NAPG: variants seen among roughly 807,000 people sequenced by gnomAD.
The protein encoded by NAPG is gamma-soluble NSF attachment protein.
NAPG carries 25 observed loss-of-function variants against 48.4 expected under a neutral mutation model. That is an observed-to-expected ratio of 0.52 (90% CI 0.38 to 0.72). NAPG has a LOEUF of 0.72. Among genes scored for constraint, NAPG ranks in the 30% least tolerant of loss-of-function variants. The pLI is 0.00. For missense variants in NAPG, 359 were observed against 372.5 expected, an observed-to-expected ratio of 0.96 and a Z score of 0.30; for synonymous variants, 139 against 127.2, an observed-to-expected ratio of 1.09 and a Z score of -0.62.
At chr18:10,528,013 C>T (rs572312930) in intron 1 of NAPG, among the ~76,000 whole-genome samples, 2 of 152,186 alleles carry the variant, frequency 1.3e-5, no homozygotes, top group African/African-American at 2.4e-5. Context: ...TGGTGAAACC[C>T]TGTCTCTACT....
chr18:10,534,534 A>G lies in NAPG; in HGVS notation c.258+38A>G. Reference sequence around the variant, plus strand: ...ATGTCACAATTGTTGTGTAGGTAAAATGAATTAACTACAAGGTGTTAAACA... The same window carrying G: ...ATGTCACAATTGTTGTGTAGGTAAAGTGAATTAACTACAAGGTGTTAAACA... On this transcript the variant is annotated intron_variant, in intron 5 of 11. Transcript: ENST00000322897. The surrounding 1 kb of genome is among the most constrained non-coding windows in gnomAD (Gnocchi z 5.0). 1 of 1,591,678 alleles carries G rather than the reference A, an allele frequency of 6.3e-7. No homozygotes were observed. The highest frequency in any genetic ancestry group is 2.2e-5 in the East Asian group (1 of 44,658).
chr18:10,548,394 G>A lies in NAPG; in HGVS notation c.665+16G>A. ...AGAGCTATAGGTAAGACGTTGTCTG[G>A]GCCCTCTTGACTTGCAGTGGCGACA... On this transcript the variant is annotated intron_variant, in intron 10 of 11. Coordinates refer to ENST00000322897, the MANE Select transcript of NAPG (RefSeq NM_003826.3). The surrounding 1 kb of genome is among the most constrained non-coding windows in gnomAD (Gnocchi z 4.4). 8.7e-6 allele frequency: 14 copies of A among 1,605,738 alleles called. No individual in the cohort carries two copies. The highest frequency in any genetic ancestry group is 1.2e-5 in the Non-Finnish European group (14 of 1,172,718).
chr18:10,527,187 C>CAAAAAAAAAAAA (rs775618160), intron 1 of NAPG, among the ~76,000 whole-genome samples: 1 of 105,534 alleles, frequency 9.5e-6, no homozygotes. Flanking sequence ...GACTCCGTCT[C>CAAAAAAAAAAAA]AAAAAAAAAA....
At chr18:10,529,516 G>A (rs1462872689) in intron 1 of NAPG, among the ~76,000 whole-genome samples, 1 of 152,190 alleles carries the variant, frequency 6.6e-6, no homozygotes, top group Non-Finnish European at 1.5e-5. Flanking sequence ...CTCTTTGGGA[G>A]GCCAAGGTGG....
chr18:10,527,385 A>G (rs148271770), intron 1 of NAPG, among the ~76,000 whole-genome samples: 1 of 152,296 alleles, frequency 6.6e-6, no homozygotes, highest in East Asian at 1.9e-4. Context: ...TCGCAGAGCC[A>G]GTTTTCAAAC....
intron 4 of NAPG, among the ~76,000 whole-genome samples, chr18:10,533,763 A>G (rs1283970795): frequency 6.6e-6 from 1 of 151,948 alleles, no homozygotes; most frequent in Admixed American, 6.6e-5. Context: ...ATTTGCCATA[A>G]TATTTTATTA....
rs1160401349 is a variant in NAPG at position 10,534,695 on chromosome 18, T to G, written c.258+199T>G. Reference sequence around the variant, plus strand: ...TCTTAAGGAATGTTAAAAGTGAAATTTAAGAGAAAATGTATTGGAGTGAAC... The same window carrying G: ...TCTTAAGGAATGTTAAAAGTGAAATGTAAGAGAAAATGTATTGGAGTGAAC... On this transcript the variant is annotated intron_variant, in intron 5 of 11. Transcript: ENST00000322897. This position sits in a 1 kb window ranked among gnomAD's most constrained non-coding sequence, Gnocchi z 5.0. Among the ~76,000 whole-genome samples the G allele has an allele frequency of 6.6e-6, 1 of 152,186 alleles. No homozygotes were observed. The highest frequency in any genetic ancestry group is 1.5e-5 in the Non-Finnish European group (1 of 68,024).
intron 5 of NAPG, among the ~76,000 whole-genome samples, chr18:10,536,346 T>A (rs2143109404): frequency 6.6e-6 from 1 of 152,320 alleles, no homozygotes; most frequent in Middle Eastern, 3.4e-3. Flanking sequence ...TGGGCTAAAA[T>A]TTCTACCAAT....
In NAPG at chr18:10,550,204, CA is replaced by C; in HGVS notation, c.924del (p.Gly309GlufsTer20). 2 of 1,587,404 alleles carry C rather than the reference CA, an allele frequency of 1.3e-6. No homozygotes were observed. The highest frequency in any genetic ancestry group is 1.7e-6 in the Non-Finnish European group (2 of 1,168,938). On this transcript the variant is annotated frameshift_variant, in exon 12 of 12. Transcript: ENST00000322897. LOFTEE classifies it high-confidence loss of function. ...TAADEEEDEY[S>X]GGLC ...GCTGATGAAGAGGAAGATGAATACT[CA>C]GGAGGACTATGCTAGTATTTTGCTT...
chr18:10,543,135 C>CA lies in NAPG; in HGVS notation c.506+2751dup, dbSNP rs199992167. 0.022 allele frequency among the ~76,000 whole-genome samples: 2,286 copies of CA among 106,248 alleles called. 23 individuals carry two copies. Among genetic ancestry groups the CA allele is most frequent in the Non-Finnish European group, 0.03 (1,520 of 50,130 alleles). 69.7% of individuals were successfully genotyped at this position (106,248 alleles called of 152,430 possible). On this transcript the variant is annotated intron_variant, in intron 8 of 11. Coordinates refer to ENST00000322897, the MANE Select transcript of NAPG (RefSeq NM_003826.3). This position sits in a 1 kb window ranked among gnomAD's most constrained non-coding sequence, Gnocchi z 4.4. The stretch of plus-strand genomic sequence containing the variant: ...ACAGGTTGCAGTGAGACTCCCATCT[C>CA]AAAAAAAAAAAAAAAGAAAAGAAAA...
Position 10,542,210 on chromosome 18 carries a change from G to A in NAPG, c.506+1811G>A, listed in dbSNP as rs1373267563. On this transcript the variant is annotated intron_variant, in intron 8 of 11. Transcript: ENST00000322897. This position sits in a 1 kb window ranked among gnomAD's most constrained non-coding sequence, Gnocchi z 4.5. The stretch of plus-strand genomic sequence containing the variant: ...ATTTATAAATCCAGGGCTTTTATTC[G>A]TGACTTTGTTTTATTGGTTTTTTTT... Among the ~76,000 whole-genome samples the A allele has an allele frequency of 3.3e-5, 5 of 151,500 alleles. No homozygotes were observed. The highest frequency in any genetic ancestry group is 6.6e-5 in the Admixed American group (1 of 15,224).
At chr18:10,540,223 TC>T in intron 7 of NAPG, 105 bp from the exon 8 acceptor site, 4 of 1,099,686 alleles carry the variant, frequency 3.6e-6, no homozygotes, top group East Asian at 2.5e-5. Context: ...GCTTTCGTGT[TC>T]CCCCCTTGAT....
intron 8 of NAPG, among the ~76,000 whole-genome samples, chr18:10,545,997 C>G (rs774138208): frequency 2.0e-5 from 3 of 152,252 alleles, no homozygotes; most frequent in Middle Eastern, 3.4e-3. Flanking sequence ...GTGATTTAAT[C>G]GAAGATCGTC....
In NAPG at chr18:10,534,597, A is replaced by G; in HGVS notation, c.258+101A>G. The G allele has an allele frequency of 9.4e-7, 1 of 1,062,300 alleles. No individual in the cohort carries two copies. Among genetic ancestry groups the G allele is most frequent in the Non-Finnish European group, 1.5e-6 (1 of 687,676 alleles). 65.8% of individuals were successfully genotyped at this position (1,062,300 alleles called of 1,614,324 possible). The stretch of plus-strand genomic sequence containing the variant: ...GAAGTTGAAAAGCTTCCTTACTGTA[A>G]GGCAAGAGGTGCTAAGTTAAGATTT... On this transcript the variant is annotated intron_variant, in intron 5 of 11. Transcript: ENST00000322897. The surrounding 1 kb of genome is among the most constrained non-coding windows in gnomAD (Gnocchi z 5.0).
intron 5 of NAPG, among the ~76,000 whole-genome samples, chr18:10,535,661 T>A (rs941600227): frequency 1.3e-5 from 2 of 152,178 alleles, no homozygotes; most frequent in African/African-American, 4.8e-5. Flanking sequence ...CTTGGGAGGC[T>A]GAGGCAGGAG....
At position 10,539,626 on chromosome 18, in the gene NAPG, C is replaced by T; in HGVS notation, c.259-136C>T. On this transcript the variant is annotated intron_variant, in intron 5 of 11. Coordinates refer to ENST00000322897, the MANE Select transcript of NAPG (RefSeq NM_003826.3). This position sits in a 1 kb window ranked among gnomAD's most constrained non-coding sequence, Gnocchi z 4.7. ...GCAAACCACCATGGGACATGTATAC[C>T]TATGTAACAAACCTGCACATTCTGC... 1.4e-6 allele frequency: 1 copy of T among 706,848 alleles called. No individual in the cohort carries two copies. The highest frequency in any genetic ancestry group is 2.4e-6 in the Non-Finnish European group (1 of 412,324). 43.8% of individuals were successfully genotyped at this position (706,848 alleles called of 1,614,324 possible). A position where few individuals can be genotyped will look rare whatever the true frequency, so the allele number is the denominator to read the frequency against.
intron 3 of NAPG, 73 bp downstream of exon 3, chr18:10,532,868 A>G: frequency 7.9e-7 from 1 of 1,269,156 alleles, no homozygotes; most frequent in Non-Finnish European, 1.1e-6. Flanking sequence ...CTTGCTGTAA[A>G]TTTACTTTAC....
chr18:10,526,937 C>T (rs1416154440), intron 1 of NAPG, among the ~76,000 whole-genome samples: 2 of 152,012 alleles, frequency 1.3e-5, no homozygotes. Flanking sequence ...CGTCTGCAAT[C>T]CCAGCACTTT....
At position 10,542,203 on chromosome 18, in the gene NAPG, T is replaced by G. The variant is rs2032170956; in HGVS notation, c.506+1804T>G. On this transcript the variant is annotated intron_variant, in intron 8 of 11. Coordinates refer to ENST00000322897, the MANE Select transcript of NAPG (RefSeq NM_003826.3). This position sits in a 1 kb window ranked among gnomAD's most constrained non-coding sequence, Gnocchi z 4.5. ...AGGGCACATTTATAAATCCAGGGCT[T>G]TTATTCGTGACTTTGTTTTATTGGT... Among the ~76,000 whole-genome samples, 1 of 151,998 alleles carries G rather than the reference T, an allele frequency of 6.6e-6. No homozygotes were observed. The highest frequency in any genetic ancestry group is 1.5e-5 in the Non-Finnish European group (1 of 67,992).
Sources: allele counts gnomAD v4.1 joint callset (sites outside exome capture counted in the v4.1 genomes callset), GRCh38; gene constraint gnomAD v4.1.1; non-coding constraint Gnocchi (gnomAD v3.1); transcripts MANE v1.5; gene names NCBI Gene and HGNC (gene_info 2026-07-23, HGNC 2026-07-21).